Variants in OSBPL10 observed in about 807,000 individuals in gnomAD.
OSBPL10 encodes the protein oxysterol binding protein like 10, also known as oxysterol-binding protein-related protein 10.
OSBPL10 carries 49 observed loss-of-function variants against 81.7 expected under a neutral mutation model. The observed-to-expected ratio is 0.60, with a 90% CI of 0.48 to 0.76. OSBPL10 has a LOEUF of 0.76. OSBPL10 is among the 30% of genes least tolerant of loss of function. The probability of loss-of-function intolerance (pLI) is 0.00; values close to 1 mark genes in which losing one functional copy is unlikely to be tolerated. For missense variants in OSBPL10, 923 were observed against 987.8 expected, an observed-to-expected ratio of 0.93 and a Z score of 0.88; for synonymous variants, 419 against 383.6, an observed-to-expected ratio of 1.09 and a Z score of -1.08.
chr3:31,792,365 A>T (rs1486066413), intron 4 of OSBPL10, among the ~76,000 whole-genome samples: 1 of 152,182 alleles, frequency 6.6e-6, no homozygotes, highest in Non-Finnish European at 1.5e-5. Context: ...TCGAGTTGTA[A>T]AAAAGCTTTT....
chr3:31,819,670 T>C (rs1027746223), intron 4 of OSBPL10, among the ~76,000 whole-genome samples: 2 of 152,214 alleles, frequency 1.3e-5, no homozygotes, highest in African/African-American at 4.8e-5. Flanking sequence ...CCTGGTATGA[T>C]AGTTGGCGGT....
chr3:31,664,158 A>G lies in OSBPL10; in HGVS notation c.2171T>C (p.Leu724Pro). The change falls in exon 11 of 12, where the codon CTG becomes CCG. Residue 724 changes from leucine (L) to proline (P), a missense_variant. By Grantham distance (98) the Leu-to-Pro change is moderately conservative. Transcript: ENST00000396556. ...IDAATEQKRH[L>P]EEKQRVEERK... ...TTCCTCCACCCGTTGCTTCTCCTCCAGGTGCCGCTTCTGCTCGGTGGCTGC... is the reference window on the plus strand; with the variant it reads ...TTCCTCCACCCGTTGCTTCTCCTCCGGGTGCCGCTTCTGCTCGGTGGCTGC... 1 of 1,613,440 alleles carries G rather than the reference A, an allele frequency of 6.2e-7. No individual in the cohort carries two copies. The highest frequency in any genetic ancestry group is 8.5e-7 in the Non-Finnish European group (1 of 1,179,898).
At chr3:31,869,199 T>C (rs1441746639) in intron 3 of OSBPL10, among the ~76,000 whole-genome samples, 1 of 151,872 alleles carries the variant, frequency 6.6e-6, no homozygotes, top group Non-Finnish European at 1.5e-5. Flanking sequence ...ATTTCAAAGA[T>C]GAGGAGACAG....
chr3:31,731,161 G>T (rs1358289004), intron 6 of OSBPL10, among the ~76,000 whole-genome samples: 1 of 152,132 alleles, frequency 6.6e-6, no homozygotes, highest in Non-Finnish European at 1.5e-5. Flanking sequence ...AAGAAAAATA[G>T]TGTCCAAGCT....
intron 1 of OSBPL10, among the ~76,000 whole-genome samples, chr3:31,894,855 C>G (rs186221811): frequency 1.3e-5 from 2 of 152,306 alleles, no homozygotes; most frequent in Non-Finnish European, 2.9e-5. Flanking sequence ...GAATATCTTT[C>G]CCAGCCTTCC....
chr3:31,923,516 G>T (rs1300928155), intron 1 of OSBPL10, among the ~76,000 whole-genome samples: 1 of 152,240 alleles, frequency 6.6e-6, no homozygotes, highest in Non-Finnish European at 1.5e-5. Context: ...TGAGCCAGGA[G>T]CAGTGGCTCA....
At chr3:31,957,592 T>C (rs772613133) in intron 1 of OSBPL10, among the ~76,000 whole-genome samples, 5 of 152,190 alleles carry the variant, frequency 3.3e-5, no homozygotes, top group African/African-American at 7.2e-5. Context: ...GATATGTACT[T>C]GGAGATTCCT....
At chr3:31,834,295 C>T (rs1018988607) in intron 3 of OSBPL10, among the ~76,000 whole-genome samples, 1 of 152,174 alleles carries the variant, frequency 6.6e-6, no homozygotes, top group Non-Finnish European at 1.5e-5. Flanking sequence ...TCAATGGGGG[C>T]AACTAGAAAC....
At chr3:32,066,170 AAGG>A (rs1318837799) in intron 1 of OSBPL10, among the ~76,000 whole-genome samples, 3 of 19,560 alleles carry the variant, frequency 1.5e-4, no homozygotes, top group African/African-American at 2.7e-4. Context: ...GAAAGGAAGG[AAGG>A]AAGGAAGGAA....
chr3:31,805,315 G>A (rs1454552293), intron 4 of OSBPL10, among the ~76,000 whole-genome samples: 1 of 152,066 alleles, frequency 6.6e-6, no homozygotes, highest in African/African-American at 2.4e-5. Context: ...CAGAAATGCT[G>A]GTCTCAAAGA....
intron 2 of OSBPL10, among the ~76,000 whole-genome samples, chr3:32,026,099 T>C (rs952265816): frequency 1.3e-5 from 2 of 148,428 alleles, no homozygotes; most frequent in South Asian, 2.1e-4. Context: ...AGATGATAGA[T>C]AGATAGAGAT....
At chr3:32,054,000 T>G (rs1394335962) in intron 1 of OSBPL10, among the ~76,000 whole-genome samples, 2 of 152,124 alleles carry the variant, frequency 1.3e-5, no homozygotes, top group South Asian at 2.1e-4. Flanking sequence ...AAGAAATTTT[T>G]GGGTTTTGTT....
At chr3:31,972,507 A>C (rs544377663) in intron 1 of OSBPL10, among the ~76,000 whole-genome samples, 1 of 152,304 alleles carries the variant, frequency 6.6e-6, no homozygotes, top group African/African-American at 2.4e-5. Context: ...GCTCTGACGG[A>C]GTGAGCACTG....
In OSBPL10 at chr3:31,916,763, C is replaced by A. The variant is rs373797696; in HGVS notation, c.282-36933G>T. Among the ~76,000 whole-genome samples the A allele has an allele frequency of 5.3e-5, 8 of 152,312 alleles. No individual in the cohort carries two copies. In the East Asian group the frequency reaches 9.6e-4, roughly 18 times the overall value. On this transcript the variant is annotated intron_variant, in intron 1 of 11. Transcript: ENST00000396556. The stretch of plus-strand genomic sequence containing the variant: ...TTCTCAGGCACCTGTTAATCTCCCT[C>A]GCTGTTTCCAATTAACAAAATCAAA...
intron 1 of OSBPL10, among the ~76,000 whole-genome samples, chr3:32,060,494 C>G (rs7620658): frequency 0.83 from 125,240 of 151,382 alleles, 53,396 homozygotes; most frequent in South Asian, 0.95. Flanking sequence ...ATCCAAACTT[C>G]ACCCACTGCT....
chr3:31,686,988 G>A lies in OSBPL10; in HGVS notation c.1246-2874C>T, dbSNP rs533383402. Among the ~76,000 whole-genome samples, 416 of 152,242 alleles carry A rather than the reference G, an allele frequency of 2.7e-3. 4 individuals carry two copies. Among genetic ancestry groups the A allele is most frequent in the South Asian group, 0.016 (75 of 4,804 alleles). On this transcript the variant is annotated intron_variant, in intron 7 of 11. Coordinates refer to ENST00000396556, the MANE Select transcript of OSBPL10 (RefSeq NM_017784.5). ...AGGGCTCCCCTATGAACTCCACCCA[G>A]ACAGGGTGCACAAGCTGGGGAGTGT... is the stretch of plus-strand genomic sequence containing the variant.
intron 4 of OSBPL10, among the ~76,000 whole-genome samples, chr3:31,817,345 G>A (rs1020537225): frequency 6.6e-6 from 1 of 152,218 alleles, no homozygotes. Flanking sequence ...ACTGGGAGAG[G>A]AGAGAGGCCA....
intron 4 of OSBPL10, among the ~76,000 whole-genome samples, chr3:31,791,366 C>T (rs1391928444): frequency 3.3e-5 from 5 of 152,096 alleles, no homozygotes; most frequent in Admixed American, 6.6e-5. Flanking sequence ...GTATTTAGAA[C>T]GTAACTGAAA....
chr3:31,679,738 AGAAAAG>A (rs1020583778), intron 8 of OSBPL10, among the ~76,000 whole-genome samples: 6 of 152,330 alleles, frequency 3.9e-5, no homozygotes, highest in African/African-American at 1.2e-4. Flanking sequence ...TTTGTTTTTA[AGAAAAG>A]GAAAAGATTT....
Sources: allele counts gnomAD v4.1 joint callset (sites outside exome capture counted in the v4.1 genomes callset), GRCh38; gene constraint gnomAD v4.1.1; transcripts MANE v1.5; gene names NCBI Gene and HGNC (gene_info 2026-07-23, HGNC 2026-07-21).